Variants in IER2 observed in about 807,000 individuals in gnomAD.
IER2 encodes the protein immediate early response gene 2 protein.
For missense variants in IER2, 372 were observed against 325.4 expected (o/e 1.14, Z -1.10); for synonymous variants, 198 against 149.6 (o/e 1.32, Z -2.36).
chr19:13,152,954 C>G lies in IER2; in HGVS notation c.-233C>G. 2.6e-6 allele frequency: 1 copy of G among 391,132 alleles called. No individual in the cohort carries two copies. The highest frequency in any genetic ancestry group is 3.9e-5 in the East Asian group (1 of 25,784). The allele number at this position is 391,132 out of a possible 1,614,324, so 24.2% of individuals were successfully genotyped here. ...TTCTGTCTCTTTAAGGAGTGTTTGG[C>G]CGCGACGAGTTGGAAAGCCCGGATG... is the stretch of plus-strand genomic sequence containing the variant. On this transcript the variant is annotated 5_prime_UTR_variant, in exon 2 of 2. Coordinates refer to ENST00000292433, the MANE Select transcript of IER2 (RefSeq NM_004907.3).
At position 13,153,408 on chromosome 19, in the gene IER2, C is replaced by G. The variant is rs757167416; in HGVS notation, c.222C>G (p.Pro74=). 6.3e-7 allele frequency: 1 copy of G among 1,591,706 alleles called. No homozygotes were observed. The highest frequency in any genetic ancestry group is 2.3e-5 in the East Asian group (1 of 43,614). ...CCTCTGACCCTCGCCTGCACCCGCC[C>G]CGAGAAGCCGAGTCCACGGCCGAGA... ...ALPSDPRLHP[P]REAESTAETA... is the part of the protein sequence containing the mutation. Residue 74 remains proline, a synonymous_variant, in exon 2 of 2, where the codon CCC becomes CCG. Coordinates refer to ENST00000292433, the MANE Select transcript of IER2 (RefSeq NM_004907.3).
rs2020045134 is a variant in IER2, at chr19:13,150,783, C to T, written c.-244+231C>T. On this transcript the variant is annotated intron_variant, in intron 1 of 1. Transcript: ENST00000292433. This position sits in a 1 kb window ranked among gnomAD's most constrained non-coding sequence, Gnocchi z 4.0. The stretch of plus-strand genomic sequence containing the variant: ...GGCCTGCTCCTCCGGGGAGTTCTGC[C>T]GCATTCTCCCAATCTCTTTCCTGAG... Among the ~76,000 whole-genome samples the T allele has an allele frequency of 1.3e-5, 2 of 152,160 alleles. No homozygotes were observed. The highest frequency in any genetic ancestry group is 4.1e-4 in the South Asian group (2 of 4,832).
Position 13,153,825 on chromosome 19 carries a change from C to T in IER2, c.639C>T (p.Leu213=), listed in dbSNP as rs551982485. 13 of 1,476,850 alleles carry T rather than the reference C, an allele frequency of 8.8e-6. No individual in the cohort carries two copies. In the South Asian group the frequency reaches 1.8e-4, roughly 20 times the overall value. The allele number at this position is 1,476,850 out of a possible 1,614,324, so 91.5% of individuals were successfully genotyped here. ...CTTGCCGCCCGGCGGACAGCATGCT[C>T]AACGTGCTCGTGCGGGCCGTGGTGG... ...KPACRPADSM[L]NVLVRAVVAF The change falls in exon 2 of 2, where the codon CTC becomes CTT. Residue 213 remains leucine, a synonymous_variant. Coordinates refer to ENST00000292433, the MANE Select transcript of IER2 (RefSeq NM_004907.3).
In IER2 at chr19:13,153,340, G is replaced by C; in HGVS notation, c.154G>C (p.Val52Leu). ...CCGGGAGCTCTACCTCTCGGCCAAG[G>C]TGGAGGCCCTCGAGCCCGAGGTGTC... ...SARELYLSAKVEALEPEVSLP... is the reference protein window; with the variant it reads ...SARELYLSAKLEALEPEVSLP... The change falls in exon 2 of 2, where the codon GTG (valine) becomes CTG (leucine). Residue 52 changes from valine (V) to leucine (L), a missense_variant. Physicochemically the swap from Val to Leu is conservative, Grantham distance 32. Coordinates refer to ENST00000292433, the MANE Select transcript of IER2 (RefSeq NM_004907.3). 1 of 1,602,090 alleles carries C rather than the reference G, an allele frequency of 6.2e-7. No homozygotes were observed. Among genetic ancestry groups the C allele is most frequent in the Non-Finnish European group, 8.5e-7 (1 of 1,175,198 alleles).
In IER2 at chr19:13,153,621, AAAGG is replaced by A. The variant is rs865822887; in HGVS notation, c.439_442del (p.Glu147LysfsTer39). The A allele has an allele frequency of 1.9e-6, 3 of 1,612,822 alleles. No individual in the cohort carries two copies. The highest frequency in any genetic ancestry group is 1.3e-5 in the African/African-American group (1 of 74,904). On this transcript the variant is annotated frameshift_variant, in exon 2 of 2. Coordinates refer to ENST00000292433, the MANE Select transcript of IER2 (RefSeq NM_004907.3). LOFTEE classifies it high-confidence loss of function. ...CGAGCAAGAAAGCCCGTCTGGAAGA[AAAGG>A]AAGAAGAGGAGGGAGCGTCATCCGA...
Position 13,153,965 on chromosome 19 carries a change from C to T in IER2, c.*107C>T, listed in dbSNP as rs1600033954. 16 of 1,057,654 alleles carry T rather than the reference C, an allele frequency of 1.5e-5. No homozygotes were observed. Among genetic ancestry groups the T allele is most frequent in the Non-Finnish European group, 2.1e-5 (16 of 776,730 alleles). 65.5% of individuals were successfully genotyped at this position (1,057,654 alleles called of 1,614,324 possible). On this transcript the variant is annotated 3_prime_UTR_variant, in exon 2 of 2. Transcript: ENST00000292433. The stretch of plus-strand genomic sequence containing the variant: ...CCCTCCATCCTGGGGGAAGCGCCCG[C>T]GAAAACCGTGGAGAGAAGCCGCCGC...
In IER2 at chr19:13,153,399, G is replaced by A. The variant is rs552043839; in HGVS notation, c.213G>A (p.Leu71=). 6.4e-5 allele frequency: 102 copies of A among 1,586,340 alleles called. No homozygotes were observed. Among genetic ancestry groups the A allele is most frequent in the Non-Finnish European group, 8.2e-5 (96 of 1,169,076 alleles). The stretch of plus-strand genomic sequence containing the variant: ...CCGCCCTCCCCTCTGACCCTCGCCT[G>A]CACCCGCCCCGAGAAGCCGAGTCCA... ...LPAALPSDPR[L]HPPREAESTA... Residue 71 remains leucine (L), a synonymous_variant, in exon 2 of 2, where the codon CTG becomes CTA. Transcript: ENST00000292433.
At position 13,154,491 on chromosome 19, in the gene IER2, T is replaced by TA. The variant is rs1212343406; in HGVS notation, c.*634dup. 1 of 167,300 alleles carries TA rather than the reference T, an allele frequency of 6.0e-6. No individual in the cohort carries two copies. Among genetic ancestry groups the TA allele is most frequent in the African/African-American group, 2.4e-5 (1 of 41,440 alleles). 10.4% of individuals were successfully genotyped at this position (167,300 alleles called of 1,614,324 possible). On this transcript the variant is annotated 3_prime_UTR_variant, in exon 2 of 2. Coordinates refer to ENST00000292433, the MANE Select transcript of IER2 (RefSeq NM_004907.3). ...CAGTGGGGAGGAGAGTGGCCTGAGT[T>TA]ACTTCACCCCCGCGTGCTGCTGGTT...
At chr19:13,151,754 G>T (rs921571883) in intron 1 of IER2, among the ~76,000 whole-genome samples, 6 of 152,122 alleles carry the variant, frequency 3.9e-5, no homozygotes, top group Non-Finnish European at 8.8e-5. Context: ...TGCCCGGGTC[G>T]GGGATGGGGA....
Position 13,153,434 on chromosome 19 carries a change from C to T in IER2, c.248C>T (p.Thr83Ile), listed in dbSNP as rs2020090525. 6.9e-6 allele frequency: 11 copies of T among 1,593,606 alleles called. No individual in the cohort carries two copies. The highest frequency in any genetic ancestry group is 1.1e-5 in the South Asian group (1 of 88,928). The change falls in exon 2 of 2, where the codon ACA becomes ATA. Residue 83 changes from threonine to isoleucine, a missense_variant. Physicochemically the swap from Thr to Ile is moderately conservative, Grantham distance 89 (BLOSUM62 -1). Transcript: ENST00000292433. Reference sequence around the variant, plus strand: ...CGAGAAGCCGAGTCCACGGCCGAGACAGCGACCCCCGACGGTGAGCACCCG... The same window carrying T: ...CGAGAAGCCGAGTCCACGGCCGAGATAGCGACCCCCGACGGTGAGCACCCG... ...PPREAESTAE[T>I]ATPDGEHPFP...
intron 1 of IER2, chr19:13,152,284 A>T (rs529213121): frequency 6.6e-6 from 1 of 152,064 alleles, no homozygotes. Flanking sequence ...CTCTGAACCC[A>T]CCCGTGGAGC....
rs1040988341 is a variant in IER2, at chr19:13,152,960, C to T, written c.-227C>T. On this transcript the variant is annotated 5_prime_UTR_variant, in exon 2 of 2. It adds an upstream start codon to the 5' untranslated region. Transcript: ENST00000292433. ...CTCTTTAAGGAGTGTTTGGCCGCGA[C>T]GAGTTGGAAAGCCCGGATGCGTCCT... The T allele has an allele frequency of 2.8e-5, 11 of 397,000 alleles. No homozygotes were observed. The highest frequency in any genetic ancestry group is 4.1e-5 in the African/African-American group (2 of 48,230). The allele number at this position is 397,000 out of a possible 1,614,324, so 24.6% of individuals were successfully genotyped here.
intron 1 of IER2, among the ~76,000 whole-genome samples, chr19:13,151,056 G>T (rs138001406): frequency 1.6e-4 from 24 of 152,050 alleles, no homozygotes; most frequent in Admixed American, 3.3e-4. Flanking sequence ...ATCAGCGGAG[G>T]GACTCAGGGT....
chr19:13,151,522 G>A (rs879707199), intron 1 of IER2, among the ~76,000 whole-genome samples: 21 of 151,810 alleles, frequency 1.4e-4, no homozygotes, highest in Admixed American at 5.9e-4. Flanking sequence ...GAGATGGGAT[G>A]AAGGGGGCCT....
chr19:13,150,771 G>A lies in IER2; in HGVS notation c.-244+219G>A. On this transcript the variant is annotated intron_variant, in intron 1 of 1. Coordinates refer to ENST00000292433, the MANE Select transcript of IER2 (RefSeq NM_004907.3). The surrounding 1 kb of genome is among the most constrained non-coding windows in gnomAD (Gnocchi z 4.0). ...CGGTGAGGAGCGGGCCTGCTCCTCC[G>A]GGGAGTTCTGCCGCATTCTCCCAAT... Among the ~76,000 whole-genome samples, 1 of 152,190 alleles carries A rather than the reference G, an allele frequency of 6.6e-6. No homozygotes were observed. The highest frequency in any genetic ancestry group is 6.5e-5 in the Admixed American group (1 of 15,278).
intron 1 of IER2, 150 bp from the exon 2 acceptor site, chr19:13,152,794 C>T (rs1020489461): frequency 2.5e-5 from 4 of 157,772 alleles, no homozygotes; most frequent in Non-Finnish European, 4.2e-5. Context: ...CCCCCGGCCC[C>T]CCTCCCTTGG....
Position 13,153,884 on chromosome 19 carries a change from C to T in IER2, c.*26C>T. ...GGACCCCGAGCGGCGCTGCCGGAGCCCAGAGCGCGCGTCGAACCGTCGGCC... is the reference window on the plus strand; with the variant it reads ...GGACCCCGAGCGGCGCTGCCGGAGCTCAGAGCGCGCGTCGAACCGTCGGCC... On this transcript the variant is annotated 3_prime_UTR_variant, in exon 2 of 2. Coordinates refer to ENST00000292433, the MANE Select transcript of IER2 (RefSeq NM_004907.3). 3 of 1,401,860 alleles carry T rather than the reference C, an allele frequency of 2.1e-6. No homozygotes were observed. Among genetic ancestry groups the T allele is most frequent in the Middle Eastern group, 2.6e-4 (1 of 3,790 alleles). The allele number at this position is 1,401,860 out of a possible 1,614,324, so 86.8% of individuals were successfully genotyped here. A position where few individuals can be genotyped will look rare whatever the true frequency, so the allele number is the denominator to read the frequency against.
rs943578479 is a variant in IER2 at position 13,153,363 on chromosome 19, G to C, written c.177G>C (p.Val59=). ...AGGTGGAGGCCCTCGAGCCCGAGGT[G>C]TCGTTGCCGGCCGCCCTCCCCTCTG... ...SAKVEALEPE[V]SLPAALPSDP... is the part of the protein sequence containing the mutation. Residue 59 remains valine, a synonymous_variant, in exon 2 of 2, where the codon GTG becomes GTC. Coordinates refer to ENST00000292433, the MANE Select transcript of IER2 (RefSeq NM_004907.3). 1.4e-5 allele frequency: 23 copies of C among 1,593,384 alleles called. No individual in the cohort carries two copies. The highest frequency in any genetic ancestry group is 1.8e-5 in the Non-Finnish European group (21 of 1,171,642).
Position 13,153,000 on chromosome 19 carries a change from T to G in IER2, c.-187T>G. ...GGATGCGTCCTTCGGTTGGGCGGGG[T>G]GTCTCAGTGACGTCACTGGGGGTAT... On this transcript the variant is annotated 5_prime_UTR_variant, in exon 2 of 2. Coordinates refer to ENST00000292433, the MANE Select transcript of IER2 (RefSeq NM_004907.3). The G allele has an allele frequency of 4.8e-6, 2 of 419,540 alleles. No homozygotes were observed. Among genetic ancestry groups the G allele is most frequent in the Non-Finnish European group, 4.2e-6 (1 of 238,138 alleles). 26.0% of individuals were successfully genotyped at this position (419,540 alleles called of 1,614,324 possible). A position where few individuals can be genotyped will look rare whatever the true frequency, so the allele number is the denominator to read the frequency against.
Sources: allele counts gnomAD v4.1 joint callset (sites outside exome capture counted in the v4.1 genomes callset), GRCh38; gene constraint gnomAD v4.1.1; non-coding constraint Gnocchi (gnomAD v3.1); transcripts MANE v1.5; gene names NCBI Gene and HGNC (gene_info 2026-07-23, HGNC 2026-07-21).